Variants in ARSB observed in about 807,000 individuals in gnomAD.
ARSB encodes the protein arylsulfatase B, also known as N-acetylgalactosamine-4-sulfatase.
A neutral mutation model predicts 50.9 loss-of-function variants in ARSB; 41 were observed. That is an observed-to-expected ratio of 0.81 (90% CI 0.63 to 1.04). The LOEUF is 1.04. Ranked by LOEUF, ARSB falls within the 50% of genes least tolerant of loss-of-function variation. The pLI is 0.00. For synonymous variants in ARSB, 269 were observed against 284.8 expected (o/e 0.94, Z 0.56); for missense variants, 672 against 693.3 (o/e 0.97, Z 0.35).
intron 5 of ARSB, among the ~76,000 whole-genome samples, chr5:78,872,749 G>A (rs2112159067): frequency 6.7e-6 from 1 of 148,194 alleles, no homozygotes; most frequent in South Asian, 2.2e-4. Context: ...GTACCAGCAT[G>A]GCACATGTAT....
intron 6 of ARSB, among the ~76,000 whole-genome samples, chr5:78,806,377 AAAT>A (rs975841481): frequency 4.9e-4 from 75 of 152,374 alleles, no homozygotes; most frequent in African/African-American, 1.6e-3. Flanking sequence ...ACCATCAGAG[AAAT>A]AATAATATCT....
intron 6 of ARSB, among the ~76,000 whole-genome samples, chr5:78,803,759 C>G (rs936219340): frequency 6.6e-6 from 1 of 152,236 alleles, no homozygotes; most frequent in Non-Finnish European, 1.5e-5. Flanking sequence ...GAGGTCTTCC[C>G]CCATGGGATA....
intron 4 of ARSB, among the ~76,000 whole-genome samples, chr5:78,918,396 C>T (rs868170805): frequency 6.6e-6 from 1 of 152,064 alleles, no homozygotes; most frequent in Non-Finnish European, 1.5e-5. Context: ...GACTTTCTTA[C>T]ACTGAAAAAA....
chr5:78,949,211 A>G (rs1751389372), intron 4 of ARSB, among the ~76,000 whole-genome samples: 1 of 152,234 alleles, frequency 6.6e-6, no homozygotes, highest in Non-Finnish European at 1.5e-5. Context: ...AGAAATTTTT[A>G]AAAGTTAGCT....
intron 4 of ARSB, among the ~76,000 whole-genome samples, chr5:78,887,261 G>A (rs990861057): frequency 3.3e-5 from 5 of 152,204 alleles, no homozygotes. Context: ...TGGCAGAGAA[G>A]TGGAAGGAGA....
chr5:78,864,813 C>A (rs1288466143), intron 5 of ARSB, among the ~76,000 whole-genome samples: 3 of 152,170 alleles, frequency 2.0e-5, no homozygotes, highest in Non-Finnish European at 4.4e-5. Context: ...TTGGCCAAAA[C>A]AAAGTGGCTA....
At chr5:78,940,919 T>C (rs1750884335) in intron 4 of ARSB, among the ~76,000 whole-genome samples, 1 of 152,230 alleles carries the variant, frequency 6.6e-6, no homozygotes, top group Admixed American at 6.5e-5. Flanking sequence ...CCCATGAGCA[T>C]GGAATGTTCT....
At chr5:78,940,165 T>C (rs971453057) in intron 4 of ARSB, among the ~76,000 whole-genome samples, 3 of 152,238 alleles carry the variant, frequency 2.0e-5, no homozygotes, top group Non-Finnish European at 2.9e-5. Context: ...GAGTTCATTG[T>C]AGATTCTGGA....
intron 4 of ARSB, among the ~76,000 whole-genome samples, chr5:78,917,098 A>G (rs1749587600): frequency 6.6e-6 from 1 of 152,220 alleles, no homozygotes; most frequent in African/African-American, 2.4e-5. Flanking sequence ...TTGACTTCTG[A>G]GCTGAGAATT....
chr5:78,783,745 A>G lies in ARSB; in HGVS notation c.1214-1771T>C, dbSNP rs193234337. Among the ~76,000 whole-genome samples the G allele has an allele frequency of 3.9e-5, 6 of 152,310 alleles. No homozygotes were observed. In the East Asian group the frequency reaches 1.2e-3, roughly 29 times the overall value. ...AAAACAAGCATGTTTTGTGAACACA[A>G]ACAAAAAAAGGAAATTTAACTATCT... On this transcript the variant is annotated intron_variant, in intron 6 of 7. Coordinates refer to ENST00000264914, the MANE Select transcript of ARSB (RefSeq NM_000046.5).
rs1214883038 is a variant in ARSB, at chr5:78,840,310, C to G, written c.1143-884G>C. Among the ~76,000 whole-genome samples, 3 of 152,182 alleles carry G rather than the reference C, an allele frequency of 2.0e-5. No homozygotes were observed. In the South Asian group the frequency reaches 6.2e-4, roughly 32 times the overall value. On this transcript the variant is annotated intron_variant, in intron 5 of 7. Coordinates refer to ENST00000264914, the MANE Select transcript of ARSB (RefSeq NM_000046.5). ...AAAGGTTGCAAAGTACTGTTAACAC[C>G]ACAGGATTCATACATAATATAAATA... is the stretch of plus-strand genomic sequence containing the variant.
chr5:78,923,529 T>C (rs558875143), intron 4 of ARSB, among the ~76,000 whole-genome samples: 2 of 152,370 alleles, frequency 1.3e-5, no homozygotes, highest in Admixed American at 1.3e-4. Context: ...GTGTGGTTTC[T>C]AAATGACAGC....
chr5:78,940,737 C>A (rs1170099753), intron 4 of ARSB, among the ~76,000 whole-genome samples: 3 of 152,170 alleles, frequency 2.0e-5, no homozygotes, highest in Non-Finnish European at 2.9e-5. Flanking sequence ...CAGCTTTGTT[C>A]TTTTGGCTTA....
At chr5:78,941,006 TG>T (rs1231803933) in intron 4 of ARSB, among the ~76,000 whole-genome samples, 1 of 151,506 alleles carries the variant, frequency 6.6e-6, no homozygotes, top group African/African-American at 2.4e-5. Context: ...TCACATCCCT[TG>T]TAAGTTGGAT....
intron 4 of ARSB, among the ~76,000 whole-genome samples, chr5:78,939,169 A>G (rs937853539): frequency 2.0e-5 from 3 of 152,192 alleles, no homozygotes; most frequent in Admixed American, 2.0e-4. Flanking sequence ...AGAACATGAA[A>G]GGCTTTCATT....
At chr5:78,853,230 T>G (rs1745935603) in intron 5 of ARSB, among the ~76,000 whole-genome samples, 1 of 152,186 alleles carries the variant, frequency 6.6e-6, no homozygotes, top group Non-Finnish European at 1.5e-5. Context: ...ACAGATGGGT[T>G]TTTGGTGTGG....
In ARSB at chr5:78,780,354, G is replaced by C; in HGVS notation, c.*43C>G. 6.2e-7 allele frequency: 1 copy of C among 1,612,196 alleles called. No homozygotes were observed. The highest frequency in any genetic ancestry group is 8.5e-7 in the Non-Finnish European group (1 of 1,179,854). On this transcript the variant is annotated 3_prime_UTR_variant, in exon 8 of 8. Transcript: ENST00000264914. ...ACAAGAGTCGTGAGAAAAGGCCTGA[G>C]GTCCAACTTCCAATTGAAAGGTTTT...
At chr5:78,969,258 T>C in intron 1 of ARSB, 66 bp from the exon 2 acceptor site, 1 of 1,559,220 alleles carries the variant, frequency 6.4e-7, no homozygotes, top group South Asian at 1.1e-5. Context: ...GCAGATAAAA[T>C]GGCCTTCTAC....
chr5:78,965,616 G>A (rs1011134356), intron 2 of ARSB, among the ~76,000 whole-genome samples: 1 of 152,122 alleles, frequency 6.6e-6, no homozygotes, highest in Admixed American at 6.5e-5. Context: ...TGGGTGAATT[G>A]TATGATATGT....
Sources: gnomAD v4.1 joint callset for allele counts (sites outside exome capture counted in the v4.1 genomes callset) on GRCh38, gnomAD v4.1.1 for gene constraint, MANE v1.5 for transcripts, NCBI Gene and HGNC (gene_info 2026-07-23, HGNC 2026-07-21) for gene names.